Variants in KIF1B observed in about 807,000 individuals in gnomAD.
KIF1B encodes kinesin-like protein KIF1B.
Under a neutral mutation model 241.9 loss-of-function variants are expected in KIF1B, and 76 were observed. That is an observed-to-expected ratio of 0.31 (90% confidence interval 0.26 to 0.38). KIF1B has a LOEUF of 0.38. Ranked by LOEUF, KIF1B falls within the 10% of genes least tolerant of loss-of-function variation. The pLI is 1.00. For missense variants in KIF1B, 1,622 were observed against 2,271.4 expected (o/e 0.71, Z 5.81); for synonymous variants, 750 against 796.7 (o/e 0.94, Z 0.99).
At chr1:10,240,880 T>G (rs1402097430) in intron 2 of KIF1B, among the ~76,000 whole-genome samples, 4 of 151,988 alleles carry the variant, frequency 2.6e-5, no homozygotes, top group Non-Finnish European at 5.9e-5. Context: ...TCTTAAATAT[T>G]CCTCAAGAAC....
intron 5 of KIF1B, among the ~76,000 whole-genome samples, chr1:10,265,673 T>A (rs1242868133): frequency 1.3e-5 from 2 of 152,014 alleles, no homozygotes; most frequent in Non-Finnish European, 2.9e-5. Context: ...GGTGAGACCC[T>A]GTCTCTGCAA....
At chr1:10,235,278 A>T (rs946372308) in intron 2 of KIF1B, among the ~76,000 whole-genome samples, 3 of 152,110 alleles carry the variant, frequency 2.0e-5, no homozygotes, top group South Asian at 2.1e-4. Context: ...TTGAAACAGG[A>T]TCTCACTCTT....
At chr1:10,375,797 T>G (rs200349397) in intron 48 of KIF1B, among the ~76,000 whole-genome samples, 3 of 131,116 alleles carry the variant, frequency 2.3e-5, no homozygotes, top group Non-Finnish European at 4.8e-5. Flanking sequence ...TTTTTTTTTT[T>G]TTTTTTTTTT....
At chr1:10,257,485 A>G (rs1294002191) in intron 3 of KIF1B, among the ~76,000 whole-genome samples, 1 of 151,736 alleles carries the variant, frequency 6.6e-6, no homozygotes, top group African/African-American at 2.4e-5. Context: ...AAAAAAAAAA[A>G]AAGGAAAGAG....
Position 10,303,362 on chromosome 1 carries a change from A to C in KIF1B, c.2115+6116A>C. The C allele has an allele frequency of 1.9e-6, 3 of 1,614,236 alleles. No individual in the cohort carries two copies. Among genetic ancestry groups the C allele is most frequent in the Non-Finnish European group, 2.5e-6 (3 of 1,180,040 alleles). Reference sequence around the variant, plus strand: ...CCCCAAAGAAGGCGCTTGAGTAAAGATTCCAAGTGGGTCACAATCTCAGAT... The same window carrying C: ...CCCCAAAGAAGGCGCTTGAGTAAAGCTTCCAAGTGGGTCACAATCTCAGAT... On this transcript the variant is annotated intron_variant, in intron 22 of 48. Coordinates refer to ENST00000676179, the MANE Select transcript of KIF1B (RefSeq NM_001365951.3). The surrounding 1 kb of genome is among the most constrained non-coding windows in gnomAD (Gnocchi z 5.2).
At chr1:10,245,977 A>G (rs1446639630) in intron 2 of KIF1B, among the ~76,000 whole-genome samples, 2 of 152,116 alleles carry the variant, frequency 1.3e-5, no homozygotes, top group Non-Finnish European at 2.9e-5. Flanking sequence ...CTCTCTCTCC[A>G]GAAAAGAGAG....
intron 2 of KIF1B, among the ~76,000 whole-genome samples, chr1:10,255,789 T>C (rs61434220): frequency 0.016 from 2,381 of 151,218 alleles, 62 homozygotes; most frequent in African/African-American, 0.053. Flanking sequence ...AAAACTATGA[T>C]TGTTTTCATT....
rs1446340642 is a variant in KIF1B at position 10,345,610 on chromosome 1, T to C, written c.3689-235T>C. Reference sequence around the variant, plus strand: ...GCTGTTTTCTCATCATTAGAGACAGTTTGTTGAGAAAAAAGATACTGATTT... The same window carrying C: ...GCTGTTTTCTCATCATTAGAGACAGCTTGTTGAGAAAAAAGATACTGATTT... On this transcript the variant is annotated intron_variant, in intron 34 of 48. Transcript: ENST00000676179. 1.8e-5 allele frequency: 9 copies of C among 508,744 alleles called. No individual in the cohort carries two copies. The East Asian group carries it at 3.3e-4, about 18-fold the overall frequency. 31.5% of individuals were successfully genotyped at this position (508,744 alleles called of 1,614,324 possible).
chr1:10,230,442 C>CTTTTTT (rs59493302), intron 1 of KIF1B, among the ~76,000 whole-genome samples: 1 of 140,548 alleles, frequency 7.1e-6, no homozygotes. Flanking sequence ...TTTTTTCTTT[C>CTTTTTT]TTTTTTTTTT....
At chr1:10,362,973 G>A (rs1638465361) in intron 40 of KIF1B, among the ~76,000 whole-genome samples, 1 of 152,170 alleles carries the variant, frequency 6.6e-6, no homozygotes, top group Non-Finnish European at 1.5e-5. Context: ...TCAGGAGGCT[G>A]AGGCAGAAGG....
chr1:10,241,230 CTCCCCT>C (rs1647132778), intron 2 of KIF1B, among the ~76,000 whole-genome samples: 1 of 151,976 alleles, frequency 6.6e-6, no homozygotes. Context: ...GCCTACCTCA[CTCCCCT>C]AGTAGCTGGG....
In KIF1B at chr1:10,377,261, A is replaced by G. The variant is rs1054876770; in HGVS notation, c.*674A>G. On this transcript the variant is annotated 3_prime_UTR_variant, in exon 49 of 49. Coordinates refer to ENST00000676179, the MANE Select transcript of KIF1B (RefSeq NM_001365951.3). The stretch of plus-strand genomic sequence containing the variant: ...AGTCAAAGTTGGGGCTTTTTACGGC[A>G]TAATTATGGAATTTTTATTTACTGG... 3.9e-5 allele frequency: 9 copies of G among 229,976 alleles called. No individual in the cohort carries two copies. The highest frequency in any genetic ancestry group is 8.9e-5 in the African/African-American group (4 of 45,084). The allele number at this position is 229,976 out of a possible 1,614,324, so 14.2% of individuals were successfully genotyped here.
intron 2 of KIF1B, among the ~76,000 whole-genome samples, chr1:10,243,199 T>G (rs1647162454): frequency 6.6e-6 from 1 of 152,066 alleles, no homozygotes. Flanking sequence ...GGTGAATCAC[T>G]TGAGCTCAGG....
intron 45 of KIF1B, among the ~76,000 whole-genome samples, chr1:10,373,959 T>A (rs567225433): frequency 6.6e-6 from 1 of 152,314 alleles, no homozygotes; most frequent in East Asian, 1.9e-4. Context: ...GGGAGCACAC[T>A]TTGAGAAACA....
intron 2 of KIF1B, among the ~76,000 whole-genome samples, chr1:10,248,365 A>G (rs1256090560): frequency 2.0e-5 from 3 of 151,800 alleles, no homozygotes; most frequent in Non-Finnish European, 4.4e-5. Flanking sequence ...ATACTTGGCT[A>G]ATTTTTTGTA....
At position 10,350,386 on chromosome 1, in the gene KIF1B, C is replaced by T. The variant is rs1001987565; in HGVS notation, c.3949+1653C>T. ...CATCCTGGCTAACACGGTGAAACCC[C>T]GTCTCTACTAAAAATACAAAAAAAT... On this transcript the variant is annotated intron_variant, in intron 37 of 48. Coordinates refer to ENST00000676179, the MANE Select transcript of KIF1B (RefSeq NM_001365951.3). 1.0e-3 allele frequency among the ~76,000 whole-genome samples: 153 copies of T among 151,606 alleles called. 1 individual carries two copies. The highest frequency in any genetic ancestry group is 2.2e-4 in the Non-Finnish European group (15 of 67,946).
At chr1:10,350,675 G>A (rs1174411014) in intron 37 of KIF1B, among the ~76,000 whole-genome samples, 2 of 152,198 alleles carry the variant, frequency 1.3e-5, no homozygotes, top group African/African-American at 2.4e-5. Flanking sequence ...GCCTTCCTTT[G>A]TGATTGAAGG....
chr1:10,223,913 T>C (rs891624910), intron 1 of KIF1B, among the ~76,000 whole-genome samples: 5 of 152,148 alleles, frequency 3.3e-5, no homozygotes, highest in Admixed American at 6.6e-5. Context: ...AGAAAGTAAT[T>C]AAATATAAAC....
At chr1:10,286,757 G>A (rs1232975290) in intron 15 of KIF1B, among the ~76,000 whole-genome samples, 2 of 152,120 alleles carry the variant, frequency 1.3e-5, no homozygotes, top group East Asian at 1.9e-4. Flanking sequence ...CAGATATGAC[G>A]TGAGACCAAA....
Sources: gnomAD v4.1 joint callset for allele counts (sites outside exome capture counted in the v4.1 genomes callset) on GRCh38, gnomAD v4.1.1 for gene constraint, Gnocchi (gnomAD v3.1) non-coding constraint, MANE v1.5 for transcripts, NCBI Gene and HGNC (gene_info 2026-07-23, HGNC 2026-07-21) for gene names.